CADPS2: variants seen among roughly 807,000 people sequenced by gnomAD.
The protein encoded by CADPS2 is calcium-dependent secretion activator 2.
In CADPS2, 93 loss-of-function variants were observed where a neutral mutation model predicts 172.5. The ratio of observed to expected loss-of-function variants is 0.54; its 90% confidence interval spans 0.46 to 0.64. The LOEUF (loss-of-function observed/expected upper bound fraction) is 0.64, where lower values mean the gene tolerates loss of function less well. CADPS2 is among the 30% of genes least tolerant of loss of function. The probability of loss-of-function intolerance (pLI) is 0.00; values close to 1 mark genes in which losing one functional copy is unlikely to be tolerated. For missense variants in CADPS2, 1,420 were observed against 1,565.9 expected (o/e 0.91, Z 1.57); for synonymous variants, 546 against 555.2 (o/e 0.98, Z 0.23).
chr7:122,806,275 T>G (rs1391615751), intron 1 of CADPS2, among the ~76,000 whole-genome samples: 4 of 152,226 alleles, frequency 2.6e-5, no homozygotes, highest in African/African-American at 9.6e-5. Flanking sequence ...AGTATTGTGA[T>G]GATCTCAGTT....
chr7:122,403,295 G>C (rs1032515405), intron 20 of CADPS2, among the ~76,000 whole-genome samples: 9 of 152,150 alleles, frequency 5.9e-5, no homozygotes, highest in African/African-American at 2.2e-4. Context: ...CACACTCTCA[G>C]TACCAAAAGG....
intron 10 of CADPS2, among the ~76,000 whole-genome samples, chr7:122,490,713 CATA>C (rs979131683): frequency 2.6e-5 from 4 of 151,622 alleles, no homozygotes; most frequent in East Asian, 1.9e-4. Context: ...AATTCTTTCA[CATA>C]ATATTTTGCA....
chr7:122,829,871 C>T (rs62482486), intron 1 of CADPS2, among the ~76,000 whole-genome samples: 3,813 of 152,150 alleles, frequency 0.025, 79 homozygotes, highest in Non-Finnish European at 0.037. Context: ...TTTATTTAAG[C>T]CAAGCTAATT....
chr7:122,705,692 T>TA, intron 2 of CADPS2, among the ~76,000 whole-genome samples: 1 of 69,442 alleles, frequency 1.4e-5, no homozygotes, highest in Non-Finnish European at 2.5e-5. Flanking sequence ...ATATCACATA[T>TA]TATATATAAT....
In CADPS2 at chr7:122,537,811, G is replaced by T. The variant is rs1586967580; in HGVS notation, c.1475+16739C>A. 2.6e-5 allele frequency among the ~76,000 whole-genome samples: 4 copies of T among 151,500 alleles called. No individual in the cohort carries two copies. In the East Asian group the frequency reaches 7.7e-4, roughly 29 times the overall value. On this transcript the variant is annotated intron_variant, in intron 8 of 29. Transcript: ENST00000449022. ...AGATTAGTATTGCAGACAAACTTCT[G>T]CAGGAATAACAGAAATTAAACAGAA...
At chr7:122,326,847 T>C (rs2033974477) in intron 28 of CADPS2, among the ~76,000 whole-genome samples, 1 of 152,106 alleles carries the variant, frequency 6.6e-6, no homozygotes, top group Non-Finnish European at 1.5e-5. Flanking sequence ...AAATGAATTT[T>C]ACATTTTACC....
At chr7:122,788,526 T>C (rs1241733794) in intron 1 of CADPS2, among the ~76,000 whole-genome samples, 2 of 152,206 alleles carry the variant, frequency 1.3e-5, no homozygotes, top group Admixed American at 6.5e-5. Context: ...AAAAATTGCT[T>C]TGTTTATATT....
intron 8 of CADPS2, among the ~76,000 whole-genome samples, chr7:122,520,024 TA>T (rs1224667395): frequency 6.6e-6 from 1 of 152,030 alleles, no homozygotes; most frequent in East Asian, 1.9e-4. Flanking sequence ...ACATGATTCT[TA>T]AAAGAGTCAA....
chr7:122,886,108 T>A lies in CADPS2; in HGVS notation c.230A>T (p.Asp77Val). 1 of 1,570,278 alleles carries A rather than the reference T, an allele frequency of 6.4e-7. No individual in the cohort carries two copies. Among genetic ancestry groups the A allele is most frequent in the Non-Finnish European group, 8.6e-7 (1 of 1,158,618 alleles). The change falls in exon 1 of 30, where the codon GAT (aspartate) becomes GTT (valine). Residue 77 changes from aspartate (D) to valine (V), a missense_variant. Coordinates refer to ENST00000449022, the MANE Select transcript of CADPS2 (RefSeq NM_017954.11). ...GRDEPQRQLD[D>V]EQERRIRLQL... Reference sequence around the variant, plus strand: ...CAGGCGGATCCTCCGCTCCTGCTCATCGTCCAGCTGCCGCTGGGGCTCGTC... The same window carrying A: ...CAGGCGGATCCTCCGCTCCTGCTCAACGTCCAGCTGCCGCTGGGGCTCGTC...
intron 1 of CADPS2, among the ~76,000 whole-genome samples, chr7:122,813,326 A>G (rs1455945278): frequency 1.3e-5 from 2 of 152,126 alleles, no homozygotes; most frequent in African/African-American, 2.4e-5. Context: ...AATTTTCTAT[A>G]CAAGTCCAAT....
At chr7:122,761,291 C>T (rs1285717932) in intron 1 of CADPS2, among the ~76,000 whole-genome samples, 1 of 152,282 alleles carries the variant, frequency 6.6e-6, no homozygotes, top group East Asian at 1.9e-4. Flanking sequence ...TTCCTCCACT[C>T]ATTCCTGGAA....
chr7:122,611,361 A>G (rs2074269622), intron 6 of CADPS2, among the ~76,000 whole-genome samples: 1 of 152,112 alleles, frequency 6.6e-6, no homozygotes, highest in Non-Finnish European at 1.5e-5. Context: ...CGGAAACGGA[A>G]AAGAGGACAT....
chr7:122,321,638 G>A (rs987954742), intron 29 of CADPS2, among the ~76,000 whole-genome samples: 8 of 152,098 alleles, frequency 5.3e-5, no homozygotes, highest in African/African-American at 1.9e-4. Context: ...ACAGGCACAT[G>A]CCACCATGCC....
At chr7:122,642,006 G>C (rs775260039) in intron 3 of CADPS2, among the ~76,000 whole-genome samples, 1 of 152,098 alleles carries the variant, frequency 6.6e-6, no homozygotes, top group South Asian at 2.1e-4. Flanking sequence ...GAGGCCGGCC[G>C]TGGTGGCTCA....
intron 20 of CADPS2, among the ~76,000 whole-genome samples, chr7:122,404,925 A>C (rs779487829): frequency 6.6e-6 from 1 of 152,016 alleles, no homozygotes; most frequent in Non-Finnish European, 1.5e-5. Context: ...GGAGATCGAG[A>C]CCATCCCTGG....
intron 3 of CADPS2, among the ~76,000 whole-genome samples, chr7:122,661,048 G>C (rs1371467058): frequency 6.6e-6 from 1 of 152,140 alleles, no homozygotes; most frequent in Non-Finnish European, 1.5e-5. Context: ...AGCTGGAGTG[G>C]CTGTATTAGC....
At chr7:122,485,505 G>A (rs1191904310) in intron 11 of CADPS2, among the ~76,000 whole-genome samples, 2 of 152,270 alleles carry the variant, frequency 1.3e-5, no homozygotes, top group East Asian at 1.9e-4. Context: ...GCCTTTCTTC[G>A]ATTCTATGAC....
In CADPS2 at chr7:122,836,092, T is replaced by C. The variant is rs537593933; in HGVS notation, c.339+49907A>G. ...TAACAGTGGATCTCTCAGCAGAAAC[T>C]CTACAAGCCAGAAGAGAGTGGGGGC... On this transcript the variant is annotated intron_variant, in intron 1 of 29. Coordinates refer to ENST00000449022, the MANE Select transcript of CADPS2 (RefSeq NM_017954.11). Among the ~76,000 whole-genome samples, 1,209 of 152,200 alleles carry C rather than the reference T, an allele frequency of 7.9e-3. 8 individuals carry two copies. The highest frequency in any genetic ancestry group is 0.011 in the Non-Finnish European group (764 of 68,010).
At chr7:122,618,058 T>C (rs1587871693) in intron 5 of CADPS2, among the ~76,000 whole-genome samples, 1 of 138,150 alleles carries the variant, frequency 7.2e-6, no homozygotes, top group African/African-American at 2.7e-5. Context: ...AAAAAAAAAA[T>C]CAACTATATT....
Sources: gnomAD v4.1 joint callset for allele counts (sites outside exome capture counted in the v4.1 genomes callset) on GRCh38, gnomAD v4.1.1 for gene constraint, MANE v1.5 for transcripts, NCBI Gene and HGNC (gene_info 2026-07-23, HGNC 2026-07-21) for gene names.